The following EGFR variants were observed in gnomAD, a reference collection of about 807,000 sequenced individuals.
EGFR encodes avian erythroblastic leukemia viral (v-erb-b) oncogene homolog.
In EGFR, 58 loss-of-function variants were observed where a neutral mutation model predicts 143.0. The observed-to-expected ratio is 0.41, with a 90% CI of 0.33 to 0.50. The LOEUF (loss-of-function observed/expected upper bound fraction) is 0.50, where lower values mean the gene tolerates loss of function less well. EGFR is among the 20% of genes least tolerant of loss of function. The pLI, the probability that EGFR is intolerant of heterozygous loss-of-function variation, is 0.39. For synonymous variants in EGFR, 613 were observed against 594.4 expected, an observed-to-expected ratio of 1.03 and a Z score of -0.45; for missense variants, 1,307 against 1,579.0, an observed-to-expected ratio of 0.83 and a Z score of 2.92.
chr7:55,036,285 T>TGG (rs1787578808), intron 1 of EGFR, among the ~76,000 whole-genome samples: 1 of 17,064 alleles, frequency 5.9e-5, no homozygotes, highest in Non-Finnish European at 1.2e-4. Flanking sequence ...GGGGGGGGGG[T>TGG]GGGTGTGTGT....
chr7:55,184,883 T>G (rs559820589), intron 20 of EGFR, among the ~76,000 whole-genome samples: 1 of 152,342 alleles, frequency 6.6e-6, no homozygotes, highest in Admixed American at 6.5e-5. Context: ...TTACAATGTA[T>G]CTGAGTATTA....
intron 4 of EGFR, among the ~76,000 whole-genome samples, chr7:55,150,380 T>G (rs1351899838): frequency 6.6e-6 from 1 of 152,144 alleles, no homozygotes; most frequent in African/African-American, 2.4e-5. Context: ...CCTTCATGTC[T>G]CTAAGGAGCA....
At chr7:55,201,805 C>G (rs780373135) in intron 26 of EGFR, 23 bp downstream of exon 26, 2 of 1,613,024 alleles carry the variant, frequency 1.2e-6, no homozygotes, top group South Asian at 2.2e-5. Context: ...ACCTTATAAG[C>G]CAGAATTTAC....
chr7:55,081,947 T>A (rs147994390), intron 1 of EGFR, among the ~76,000 whole-genome samples: 1 of 152,236 alleles, frequency 6.6e-6, no homozygotes, highest in Non-Finnish European at 1.5e-5. Flanking sequence ...ATCTAAACTT[T>A]CATAATACTG....
intron 3 of EGFR, among the ~76,000 whole-genome samples, 167 bp from the exon 4 acceptor site, chr7:55,146,439 C>A (rs1794764168): frequency 6.6e-6 from 1 of 152,158 alleles, no homozygotes; most frequent in South Asian, 2.1e-4. Context: ...CCATCATTAA[C>A]AATTTTATCT....
At chr7:55,053,313 G>C (rs1305120714) in intron 1 of EGFR, among the ~76,000 whole-genome samples, 1 of 152,192 alleles carries the variant, frequency 6.6e-6, no homozygotes, top group Non-Finnish European at 1.5e-5. Context: ...GGAAAGGAGG[G>C]TGCATCTCTA....
rs540075937 is a variant in EGFR, at chr7:55,027,853, G to T, written c.88+8488G>T. ...GACATCTATGTTCTGATCCACTGTT[G>T]AAAGCTGTACAATGTTACCTATTTA... On this transcript the variant is annotated intron_variant, in intron 1 of 27. Transcript: ENST00000275493. Among the ~76,000 whole-genome samples, 4 of 151,602 alleles carry T rather than the reference G, an allele frequency of 2.6e-5. No homozygotes were observed. In the South Asian group the frequency reaches 6.2e-4, roughly 24 times the overall value.
chr7:55,074,412 G>A (rs915331873), intron 1 of EGFR, among the ~76,000 whole-genome samples: 7 of 152,212 alleles, frequency 4.6e-5, no homozygotes, highest in African/African-American at 1.7e-4. Context: ...AATCAAAATA[G>A]AATGTGGGTT....
chr7:55,122,412 G>A (rs561063806), intron 1 of EGFR, among the ~76,000 whole-genome samples: 1 of 152,320 alleles, frequency 6.6e-6, no homozygotes, highest in Non-Finnish European at 1.5e-5. Flanking sequence ...TCAATGGGCT[G>A]CTGGTGGCAG....
intron 1 of EGFR, among the ~76,000 whole-genome samples, chr7:55,111,022 TC>T (rs929220505): frequency 6.6e-6 from 1 of 152,190 alleles, no homozygotes; most frequent in Non-Finnish European, 1.5e-5. Context: ...TGTTGCTTTT[TC>T]CCCCCTTCCA....
rs370527241 is a variant in EGFR, at chr7:55,029,325, T to A, written c.88+9960T>A. Among the ~76,000 whole-genome samples the A allele has an allele frequency of 8.9e-3, 1,352 of 152,346 alleles. 12 individuals carry two copies. The highest frequency in any genetic ancestry group is 0.015 in the Non-Finnish European group (1,041 of 68,030). ...GAAACCTTATCCTTATAGATGTTTC[T>A]TGATTTTTTTAATTTCTGGTGACAT... is the stretch of plus-strand genomic sequence containing the variant. On this transcript the variant is annotated intron_variant, in intron 1 of 27. Coordinates refer to ENST00000275493, the MANE Select transcript of EGFR (RefSeq NM_005228.5).
intron 13 of EGFR, among the ~76,000 whole-genome samples, chr7:55,163,046 C>T (rs1322072720): frequency 6.6e-6 from 1 of 152,210 alleles, no homozygotes; most frequent in Non-Finnish European, 1.5e-5. Flanking sequence ...CCCGCCTCGG[C>T]CTCCCAAAGT....
intron 1 of EGFR, among the ~76,000 whole-genome samples, chr7:55,085,381 A>G (rs1383811487): frequency 6.6e-6 from 1 of 152,106 alleles, no homozygotes; most frequent in Non-Finnish European, 1.5e-5. Context: ...TTTCCAGGGG[A>G]GGCAGCATGG....
chr7:55,078,243 C>A (rs1790242448), intron 1 of EGFR, among the ~76,000 whole-genome samples: 1 of 152,004 alleles, frequency 6.6e-6, no homozygotes, highest in Non-Finnish European at 1.5e-5. Context: ...AGGCCCTGGG[C>A]CCCGCACACA....
chr7:55,149,257 T>G (rs1460675960), intron 4 of EGFR, among the ~76,000 whole-genome samples: 1 of 152,098 alleles, frequency 6.6e-6, no homozygotes, highest in South Asian at 2.1e-4. Context: ...GCTATATCAC[T>G]CTGTGAAGTC....
chr7:55,173,137 C>T lies in EGFR; in HGVS notation c.2061+13C>T, dbSNP rs748001645. ...GCAGGAGAGGGAGGTGAGTGCCAGT[C>T]CTGGGTGGGCTCAGGAGCCCTCGCA... On this transcript the variant is annotated intron_variant, in intron 17 of 27. Transcript: ENST00000275493. The T allele has an allele frequency of 1.0e-5, 16 of 1,608,026 alleles. No homozygotes were observed. The South Asian group carries it at 1.3e-4, about 13-fold the overall frequency.
intron 1 of EGFR, among the ~76,000 whole-genome samples, 199 bp from the exon 2 acceptor site, chr7:55,142,087 A>G (rs1467431996): frequency 1.3e-5 from 2 of 152,168 alleles, no homozygotes; most frequent in Non-Finnish European, 2.9e-5. Flanking sequence ...TCCTTTAGTG[A>G]GAATTTGTAT....
At chr7:55,091,313 T>A (rs1290090077) in intron 1 of EGFR, among the ~76,000 whole-genome samples, 2 of 152,210 alleles carry the variant, frequency 1.3e-5, no homozygotes, top group Non-Finnish European at 2.9e-5. Context: ...AATTATCTAC[T>A]ATGGGGTAAA....
chr7:55,084,908 G>A (rs1191837574), intron 1 of EGFR, among the ~76,000 whole-genome samples: 1 of 152,150 alleles, frequency 6.6e-6, no homozygotes, highest in Non-Finnish European at 1.5e-5. Context: ...CAGGTTCTCG[G>A]TAGCAGGGCA....
Sources: allele counts gnomAD v4.1 joint callset (sites outside exome capture counted in the v4.1 genomes callset), GRCh38; gene constraint gnomAD v4.1.1; transcripts MANE v1.5; gene names NCBI Gene and HGNC (gene_info 2026-07-23, HGNC 2026-07-21).